The following GFOD1 variants were observed in gnomAD, a reference collection of about 807,000 sequenced individuals.
The protein encoded by GFOD1 is Gfo/Idh/MocA-like oxidoreductase domain containing 1.
In GFOD1, 9 loss-of-function variants were observed where a neutral mutation model predicts 25.4. The observed-to-expected ratio is 0.35, with a 90% CI of 0.21 to 0.62. GFOD1 has a LOEUF of 0.62. GFOD1 is among the 20% of genes least tolerant of loss of function. The probability of loss-of-function intolerance (pLI) is 0.72; values close to 1 mark genes in which losing one functional copy is unlikely to be tolerated. For missense variants in GFOD1, 403 were observed against 556.9 expected (o/e 0.72, Z 2.78); for synonymous variants, 253 against 245.6 (o/e 1.03, Z -0.28).
chr6:13,365,081 C>CCAG lies in GFOD1; in HGVS notation c.832_834dup (p.Leu278dup), dbSNP rs1167034104. 1.2e-6 allele frequency: 2 copies of CCAG among 1,611,966 alleles called. No individual in the cohort carries two copies. Among genetic ancestry groups the CCAG allele is most frequent in the Admixed American group, 1.7e-5 (1 of 59,998 alleles). ...TTGCTCACCGGCGTGGCGTCCTGCA[C>CCAG]CAGCAGCTCCTGCTCCGGGGCGCTG... On this transcript the variant is annotated inframe_insertion, in exon 2 of 2. Transcript: ENST00000379287. This position sits in a 1 kb window ranked among gnomAD's most constrained non-coding sequence, Gnocchi z 9.2.
chr6:13,412,709 C>T (rs1195274304), intron 1 of GFOD1, among the ~76,000 whole-genome samples: 2 of 152,246 alleles, frequency 1.3e-5, no homozygotes, highest in African/African-American at 2.4e-5. Flanking sequence ...ACAGGCCTGC[C>T]TTCTGCTCCC....
intron 1 of GFOD1, among the ~76,000 whole-genome samples, chr6:13,393,777 T>TTTA (rs1785666589): frequency 9.5e-6 from 1 of 105,426 alleles, no homozygotes; most frequent in Non-Finnish European, 2.1e-5. Context: ...TCTTTTTTCT[T>TTTA]TTCTTTTTTT....
intron 1 of GFOD1, among the ~76,000 whole-genome samples, chr6:13,415,694 A>G (rs1263221498): frequency 2.0e-5 from 3 of 152,224 alleles, no homozygotes; most frequent in Non-Finnish European, 4.4e-5. Context: ...TCAATGGTCC[A>G]CTTACTCATC....
intron 1 of GFOD1, among the ~76,000 whole-genome samples, chr6:13,483,139 T>C (rs751709242): frequency 2.0e-5 from 3 of 151,626 alleles, no homozygotes; most frequent in Non-Finnish European, 4.4e-5. Flanking sequence ...AAAATTTAAA[T>C]GTTAAATGAA....
chr6:13,456,866 G>A (rs572483560), intron 1 of GFOD1, among the ~76,000 whole-genome samples: 69 of 152,272 alleles, frequency 4.5e-4, no homozygotes, highest in Non-Finnish European at 8.8e-4. Flanking sequence ...AAGTTCACGT[G>A]AGCTTTTCAT....
intron 1 of GFOD1, among the ~76,000 whole-genome samples, chr6:13,425,208 C>T (rs1786331364): frequency 6.6e-6 from 1 of 152,150 alleles, no homozygotes; most frequent in Non-Finnish European, 1.5e-5. Context: ...AATCCTCCCA[C>T]CTCAGCTTTC....
Position 13,364,472 on chromosome 6 carries a change from CA to C in GFOD1, c.*270del, listed in dbSNP as rs1251233043. On this transcript the variant is annotated 3_prime_UTR_variant, in exon 2 of 2. Transcript: ENST00000379287. The surrounding 1 kb of genome is among the most constrained non-coding windows in gnomAD (Gnocchi z 4.1). ...TAAAGGGCAGCAGAGGCAGCTAAAC[CA>C]AACCACTCTCGTGCAAATACCCAGC... 6.2e-6 allele frequency: 3 copies of C among 480,044 alleles called. No individual in the cohort carries two copies. Among genetic ancestry groups the C allele is most frequent in the African/African-American group, 5.8e-5 (3 of 51,936 alleles). 29.7% of individuals were successfully genotyped at this position (480,044 alleles called of 1,614,324 possible).
intron 1 of GFOD1, among the ~76,000 whole-genome samples, chr6:13,390,222 C>A (rs954842321): frequency 6.6e-6 from 1 of 152,232 alleles, no homozygotes; most frequent in Non-Finnish European, 1.5e-5. Context: ...GTCCCAACTA[C>A]TTGTAAACTC....
At chr6:13,452,822 C>T (rs553283513) in intron 1 of GFOD1, among the ~76,000 whole-genome samples, 1 of 152,304 alleles carries the variant, frequency 6.6e-6, no homozygotes, top group African/African-American at 2.4e-5. Flanking sequence ...AAGACAAGAT[C>T]GCACTGCTCC....
chr6:13,447,055 A>T (rs1159477145), intron 1 of GFOD1, among the ~76,000 whole-genome samples: 1 of 152,242 alleles, frequency 6.6e-6, no homozygotes, highest in Non-Finnish European at 1.5e-5. Flanking sequence ...CCACCATCCC[A>T]AAAGATCACA....
intron 1 of GFOD1, among the ~76,000 whole-genome samples, chr6:13,392,812 T>C (rs1243414881): frequency 6.6e-6 from 1 of 151,994 alleles, no homozygotes; most frequent in Non-Finnish European, 1.5e-5. Context: ...TCCCAGCATT[T>C]TGAGAGGCCA....
chr6:13,359,377 GC>G lies in GFOD1; in HGVS notation c.*5365del, dbSNP rs935174704. 7 of 152,138 alleles carry G rather than the reference GC, an allele frequency of 4.6e-5. No homozygotes were observed. The highest frequency in any genetic ancestry group is 1.0e-4 in the Non-Finnish European group (7 of 68,060). 9.4% of individuals were successfully genotyped at this position (152,138 alleles called of 1,614,324 possible). A position where few individuals can be genotyped will look rare whatever the true frequency, so the allele number is the denominator to read the frequency against. On this transcript the variant is annotated 3_prime_UTR_variant, in exon 2 of 2. Transcript: ENST00000379287. The stretch of plus-strand genomic sequence containing the variant: ...TGGCCTCTGCTCTGTAAACTCCAAG[GC>G]TCTGATGGCCAAAAACGTAGGCGGT...
At position 13,400,811 on chromosome 6, in the gene GFOD1, A is replaced by AGG. The variant is rs764286630; in HGVS notation, c.254-35151_254-35150dup. On this transcript the variant is annotated intron_variant, in intron 1 of 1. Coordinates refer to ENST00000379287, the MANE Select transcript of GFOD1 (RefSeq NM_018988.4). The stretch of plus-strand genomic sequence containing the variant: ...AGTAAAGATGGTGAGGGAACACAGG[A>AGG]GGCCCTGAATGACAAACTGTTCTGT... Among the ~76,000 whole-genome samples, 180 of 152,326 alleles carry AGG rather than the reference A, an allele frequency of 1.2e-3. 1 individual carries two copies. Among genetic ancestry groups the AGG allele is most frequent in the Admixed American group, 2.2e-3 (34 of 15,302 alleles).
intron 1 of GFOD1, among the ~76,000 whole-genome samples, chr6:13,473,333 T>C (rs112222925): frequency 2.8e-4 from 42 of 152,308 alleles, no homozygotes; most frequent in Middle Eastern, 3.4e-3. Context: ...CTGTTTACCA[T>C]AGCATGCCCC....
intron 1 of GFOD1, among the ~76,000 whole-genome samples, chr6:13,443,004 T>C (rs1281074766): frequency 1.3e-5 from 2 of 152,250 alleles, no homozygotes; most frequent in Non-Finnish European, 2.9e-5. Flanking sequence ...AAGAATTCCC[T>C]ATTCTAGAAG....
At chr6:13,420,489 G>T (rs545337754) in intron 1 of GFOD1, among the ~76,000 whole-genome samples, 1 of 152,190 alleles carries the variant, frequency 6.6e-6, no homozygotes, top group Non-Finnish European at 1.5e-5. Context: ...AATTAGGAGC[G>T]GAAGAGAAAA....
intron 1 of GFOD1, among the ~76,000 whole-genome samples, chr6:13,453,579 G>T (rs1022357927): frequency 6.6e-6 from 1 of 152,112 alleles, no homozygotes; most frequent in South Asian, 2.1e-4. Flanking sequence ...CCTTTTTAAA[G>T]CATCCTCAAT....
Position 13,430,514 on chromosome 6 carries a change from A to T in GFOD1, c.253+56124T>A, listed in dbSNP as rs1166749700. On this transcript the variant is annotated intron_variant, in intron 1 of 1. Coordinates refer to ENST00000379287, the MANE Select transcript of GFOD1 (RefSeq NM_018988.4). The surrounding 1 kb of genome is among the most constrained non-coding windows in gnomAD (Gnocchi z 4.1). ...TGCACTGTGAAGGAACCCGAGCCAC[A>T]TAGGGTATGGCATCAAGCATAAACA... Among the ~76,000 whole-genome samples, 1 of 152,150 alleles carries T rather than the reference A, an allele frequency of 6.6e-6. No homozygotes were observed. The highest frequency in any genetic ancestry group is 1.5e-5 in the Non-Finnish European group (1 of 68,024).
At chr6:13,479,751 G>A (rs1475901001) in intron 1 of GFOD1, among the ~76,000 whole-genome samples, 1 of 152,218 alleles carries the variant, frequency 6.6e-6, no homozygotes, top group African/African-American at 2.4e-5. Context: ...GATGAAATGA[G>A]ATTGGTGATG....
Sources: allele counts gnomAD v4.1 joint callset (sites outside exome capture counted in the v4.1 genomes callset), GRCh38; gene constraint gnomAD v4.1.1; non-coding constraint Gnocchi (gnomAD v3.1); transcripts MANE v1.5; gene names NCBI Gene and HGNC (gene_info 2026-07-23, HGNC 2026-07-21).